ARHGAP24: variants seen among roughly 807,000 people sequenced by gnomAD.
The protein encoded by ARHGAP24 is Rho GTPase activating protein 24.
A neutral mutation model predicts 76.4 loss-of-function variants in ARHGAP24; 50 were observed. The observed-to-expected ratio is 0.65, with a 90% CI of 0.52 to 0.83. The LOEUF (loss-of-function observed/expected upper bound fraction) is 0.83, where lower values mean the gene tolerates loss of function less well. Ranked by LOEUF, ARHGAP24 falls within the 40% of genes least tolerant of loss-of-function variation. ARHGAP24 has a pLI of 0.00. For missense variants in ARHGAP24, 930 were observed against 914.2 expected (o/e 1.02, Z -0.22); for synonymous variants, 345 against 323.3 (o/e 1.07, Z -0.72).
chr4:85,942,414 T>G, intron 5 of ARHGAP24, 141 bp downstream of exon 5: 1 of 1,028,664 alleles, frequency 9.7e-7, no homozygotes, highest in Non-Finnish European at 1.4e-6. Context: ...GAGTTTGCAT[T>G]GTTTCTATTA....
chr4:85,727,752 A>G (rs1018915017), intron 3 of ARHGAP24, among the ~76,000 whole-genome samples: 4 of 152,126 alleles, frequency 2.6e-5, no homozygotes, highest in African/African-American at 9.7e-5. Context: ...CAGTCCATCC[A>G]CCAAGCAAAG....
intron 1 of ARHGAP24, among the ~76,000 whole-genome samples, chr4:85,501,915 G>A (rs1012716623): frequency 2.6e-5 from 4 of 151,996 alleles, no homozygotes; most frequent in Non-Finnish European, 5.9e-5. Context: ...TGTAAGGAAG[G>A]GATCCAGTTT....
intron 9 of ARHGAP24, among the ~76,000 whole-genome samples, chr4:85,999,556 A>G (rs1740880255): frequency 1.3e-5 from 2 of 152,212 alleles, no homozygotes; most frequent in Non-Finnish European, 2.9e-5. Context: ...TTTCAGTGGT[A>G]TGGTAAGTTT....
chr4:85,707,103 G>A (rs1648386024), intron 2 of ARHGAP24, among the ~76,000 whole-genome samples: 1 of 152,012 alleles, frequency 6.6e-6, no homozygotes, highest in African/African-American at 2.4e-5. Context: ...TTTTTGTGGA[G>A]GCACAGTCTT....
At chr4:85,594,885 T>C (rs1396657303) in intron 2 of ARHGAP24, among the ~76,000 whole-genome samples, 2 of 152,100 alleles carry the variant, frequency 1.3e-5, no homozygotes, top group Non-Finnish European at 2.9e-5. Flanking sequence ...TTTTCTTCAA[T>C]GTTTCTGCAT....
At chr4:85,678,563 A>G (rs1723082659) in intron 2 of ARHGAP24, among the ~76,000 whole-genome samples, 1 of 152,238 alleles carries the variant, frequency 6.6e-6, no homozygotes, top group Admixed American at 6.5e-5. Context: ...AGTCATTTGG[A>G]GAAATATGAT....
intron 3 of ARHGAP24, among the ~76,000 whole-genome samples, chr4:85,797,036 G>A (rs1472316489): frequency 6.6e-6 from 1 of 152,194 alleles, no homozygotes; most frequent in African/African-American, 2.4e-5. Context: ...GCAGGAGCCT[G>A]CGGAGCCAGC....
intron 3 of ARHGAP24, among the ~76,000 whole-genome samples, chr4:85,772,060 A>G (rs777558730): frequency 2.0e-5 from 3 of 152,226 alleles, no homozygotes; most frequent in East Asian, 3.8e-4. Context: ...AATAATTAAT[A>G]AAATATTACA....
chr4:85,909,709 T>C (rs1734961388), intron 3 of ARHGAP24, among the ~76,000 whole-genome samples: 1 of 152,222 alleles, frequency 6.6e-6, no homozygotes, highest in African/African-American at 2.4e-5. Flanking sequence ...TAATTTAAAA[T>C]TATGAAATGC....
rs370882670 is a variant in ARHGAP24 at position 85,475,779 on chromosome 4, T to TTG, written c.-21+233_-21+234dup. 7.3e-3 allele frequency among the ~76,000 whole-genome samples: 1,075 copies of TTG among 147,588 alleles called. 48 individuals are homozygous for TTG. The highest frequency in any genetic ancestry group is 0.026 in the African/African-American group (1,001 of 38,644). ...CCGTGCTGATGTAGCCTGTCTGTGT[T>TTG]TGTGTGTGTGTGTGCGCGCGCGCGC... On this transcript the variant is annotated intron_variant, in intron 1 of 9. Transcript: ENST00000395184.
chr4:85,989,298 T>C (rs1452636074), intron 8 of ARHGAP24, among the ~76,000 whole-genome samples: 1 of 151,554 alleles, frequency 6.6e-6, no homozygotes, highest in Non-Finnish European at 1.5e-5. Flanking sequence ...GGAGATGAAA[T>C]GTTCAAGTTC....
intron 3 of ARHGAP24, among the ~76,000 whole-genome samples, chr4:85,800,307 G>C (rs907748807): frequency 6.6e-6 from 1 of 152,056 alleles, no homozygotes; most frequent in Non-Finnish European, 1.5e-5. Flanking sequence ...ACAATGAATC[G>C]GGCTTGAGAA....
At chr4:85,589,986 C>A (rs1217259405) in intron 2 of ARHGAP24, among the ~76,000 whole-genome samples, 1 of 152,112 alleles carries the variant, frequency 6.6e-6, no homozygotes, top group Non-Finnish European at 1.5e-5. Flanking sequence ...GTGCATTTTG[C>A]ATGTTAATTT....
intron 4 of ARHGAP24, among the ~76,000 whole-genome samples, chr4:85,932,113 T>C (rs1019230790): frequency 3.9e-5 from 6 of 152,202 alleles, no homozygotes; most frequent in Non-Finnish European, 5.9e-5. Flanking sequence ...CACCATCATA[T>C]ATTATCAGCA....
chr4:85,579,440 T>G (rs1261197105), intron 2 of ARHGAP24, among the ~76,000 whole-genome samples: 1 of 152,000 alleles, frequency 6.6e-6, no homozygotes, highest in African/African-American at 2.4e-5. Context: ...CCTATTTTTT[T>G]GCCCTTGATA....
chr4:85,675,587 G>T (rs1406906803), intron 2 of ARHGAP24, among the ~76,000 whole-genome samples: 1 of 152,150 alleles, frequency 6.6e-6, no homozygotes, highest in Non-Finnish European at 1.5e-5. Flanking sequence ...TTTAAAGTTG[G>T]TGAGATCCGC....
intron 2 of ARHGAP24, among the ~76,000 whole-genome samples, chr4:85,656,743 G>C (rs1168609106): frequency 1.3e-5 from 2 of 151,988 alleles, no homozygotes; most frequent in African/African-American, 4.8e-5. Flanking sequence ...TGGGATTACA[G>C]GTGTGAGCCA....
At chr4:85,667,236 G>A (rs1372557154) in intron 2 of ARHGAP24, among the ~76,000 whole-genome samples, 2 of 152,186 alleles carry the variant, frequency 1.3e-5, no homozygotes, top group African/African-American at 4.8e-5. Flanking sequence ...CTGCCGCCTT[G>A]CAGTTTGATC....
chr4:85,778,610 T>C (rs1323249594), intron 3 of ARHGAP24: 4 of 913,014 alleles, frequency 4.4e-6, no homozygotes, highest in South Asian at 1.0e-4. Flanking sequence ...TCTTATTTTG[T>C]TTTGTTTTGT....
Sources: allele counts gnomAD v4.1 joint callset (sites outside exome capture counted in the v4.1 genomes callset), GRCh38; gene constraint gnomAD v4.1.1; transcripts MANE v1.5; gene names NCBI Gene and HGNC (gene_info 2026-07-23, HGNC 2026-07-21).